WDPCP: variants seen among roughly 807,000 people sequenced by gnomAD.
WDPCP encodes the protein WD repeat containing planar cell polarity effector.
A neutral mutation model predicts 93.1 loss-of-function variants in WDPCP; 71 were observed. The ratio of observed to expected loss-of-function variants is 0.76; its 90% CI spans 0.63 to 0.93. The LOEUF (loss-of-function observed/expected upper bound fraction) is 0.93, where lower values mean the gene tolerates loss of function less well. Among genes scored for constraint, WDPCP ranks in the 40% least tolerant of loss-of-function variants. The probability of loss-of-function intolerance (pLI) is 0.00; values close to 1 mark genes in which losing one functional copy is unlikely to be tolerated. For missense variants in WDPCP, 844 were observed against 887.4 expected, an observed-to-expected ratio of 0.95 and a Z score of 0.62; for synonymous variants, 315 against 315.0, an observed-to-expected ratio of 1.00 and a Z score of 0.00.
intron 1 of WDPCP, among the ~76,000 whole-genome samples, chr2:63,572,006 C>T (rs1259423726): frequency 3.9e-5 from 6 of 152,136 alleles, no homozygotes; most frequent in Non-Finnish European, 8.8e-5. Context: ...CTCCAGTAAA[C>T]TTTAACAGAA....
chr2:63,775,119 G>A (rs557920256), intron 2 of WDPCP, among the ~76,000 whole-genome samples: 1 of 152,190 alleles, frequency 6.6e-6, no homozygotes, highest in Non-Finnish European at 1.5e-5. Flanking sequence ...GCATAATCTT[G>A]GGCTCAACGT....
chr2:63,769,899 A>C (rs1485092416), intron 2 of WDPCP, among the ~76,000 whole-genome samples: 1 of 151,914 alleles, frequency 6.6e-6, no homozygotes, highest in Non-Finnish European at 1.5e-5. Flanking sequence ...TTTTTCTCTA[A>C]GTTCAGAGTC....
At chr2:63,637,701 A>G (rs903783651) in intron 3 of WDPCP, among the ~76,000 whole-genome samples, 16 of 152,206 alleles carry the variant, frequency 1.1e-4, no homozygotes, top group Non-Finnish European at 1.6e-4. Context: ...ATCACTAACC[A>G]TCAGGGAAAT....
intron 12 of WDPCP, among the ~76,000 whole-genome samples, chr2:63,338,759 C>G (rs1348041028): frequency 6.6e-6 from 1 of 151,276 alleles, no homozygotes; most frequent in African/African-American, 2.4e-5. Flanking sequence ...TATACCAGTG[C>G]TATGCTGTTT....
At chr2:63,153,134 A>G in intron 16 of WDPCP, 189 bp from the exon 17 acceptor site, 2 of 608,350 alleles carry the variant, frequency 3.3e-6, no homozygotes, top group East Asian at 5.6e-5. Flanking sequence ...ATATATGTGT[A>G]TGGCTACCTT....
chr2:63,679,376 C>T (rs145624552), intron 2 of WDPCP, among the ~76,000 whole-genome samples: 3 of 152,154 alleles, frequency 2.0e-5, no homozygotes, highest in Non-Finnish European at 2.9e-5. Flanking sequence ...ACATGACACA[C>T]GGAGCTGTCA....
chr2:63,499,375 C>T (rs1022011570), intron 1 of WDPCP, among the ~76,000 whole-genome samples: 1 of 152,130 alleles, frequency 6.6e-6, no homozygotes, highest in Non-Finnish European at 1.5e-5. Context: ...AAGTCTTTGC[C>T]AAGCTCAGGA....
intron 3 of WDPCP, among the ~76,000 whole-genome samples, chr2:63,613,432 C>A (rs1016441519): frequency 6.6e-6 from 1 of 152,194 alleles, no homozygotes; most frequent in African/African-American, 2.4e-5. Flanking sequence ...GGCAAGGAGC[C>A]TGGGGCTTTT....
chr2:63,821,269 G>C (rs749415189), intron 1 of WDPCP, among the ~76,000 whole-genome samples: 5 of 152,154 alleles, frequency 3.3e-5, no homozygotes, highest in African/African-American at 7.2e-5. Context: ...TCATTAAGAA[G>C]GTGAACTCTG....
intron 12 of WDPCP, among the ~76,000 whole-genome samples, chr2:63,313,612 C>T (rs1279126570): frequency 6.6e-6 from 1 of 151,920 alleles, no homozygotes; most frequent in Non-Finnish European, 1.5e-5. Flanking sequence ...TTGTTAGTAC[C>T]TCCTATATTT....
intron 3 of WDPCP, chr2:63,600,099 C>A (rs1028752666): frequency 9.6e-5 from 14 of 145,756 alleles, no homozygotes; most frequent in Admixed American, 2.1e-4. Flanking sequence ...GAGAAGATAA[C>A]TTTAGTTTCA....
intron 5 of WDPCP, 38 bp from the exon 6 acceptor site, chr2:63,484,701 G>A: frequency 6.2e-7 from 1 of 1,611,334 alleles, no homozygotes; most frequent in Non-Finnish European, 8.5e-7. Context: ...GTAGTTGGCT[G>A]TACACATTGT....
At chr2:63,207,741 G>A (rs1574875440) in intron 14 of WDPCP, among the ~76,000 whole-genome samples, 1 of 152,106 alleles carries the variant, frequency 6.6e-6, no homozygotes, top group East Asian at 1.9e-4. Flanking sequence ...AGGTCATGAT[G>A]TGCTCTTTCA....
intron 2 of WDPCP, among the ~76,000 whole-genome samples, chr2:63,720,760 A>G (rs1177088315): frequency 1.3e-5 from 2 of 152,222 alleles, no homozygotes; most frequent in African/African-American, 4.8e-5. Context: ...TAGGGATGGC[A>G]GTCACTCCCA....
chr2:63,453,458 G>T (rs1420843448), intron 6 of WDPCP, among the ~76,000 whole-genome samples: 7 of 152,174 alleles, frequency 4.6e-5, no homozygotes, highest in Admixed American at 4.6e-4. Context: ...GTGCTGGAGA[G>T]GATGTGGAGA....
chr2:63,390,230 G>T (rs905338274), intron 10 of WDPCP, among the ~76,000 whole-genome samples: 18 of 152,096 alleles, frequency 1.2e-4, no homozygotes, highest in African/African-American at 4.3e-4. Flanking sequence ...TTAGAACTCA[G>T]GATTAAGAAA....
rs771297329 is a variant in WDPCP, at chr2:63,484,677, G to A, written c.325-14C>T. 30 of 1,612,732 alleles carry A rather than the reference G, an allele frequency of 1.9e-5. No homozygotes were observed. Among genetic ancestry groups the A allele is most frequent in the Non-Finnish European group, 2.5e-5 (30 of 1,179,174 alleles). On this transcript the variant is annotated splice_polypyrimidine_tract_variant and intron_variant, in intron 5 of 17. Transcript: ENST00000272321. ...TTGCATCAGCTCCTGAAGCACAACA[G>A]AAAAAGAGAGAGCGTAGTTGGCTGT...
intron 14 of WDPCP, among the ~76,000 whole-genome samples, chr2:63,215,011 A>G (rs1221505744): frequency 1.3e-5 from 2 of 152,178 alleles, no homozygotes; most frequent in African/African-American, 2.4e-5. Flanking sequence ...ATGCTCACGG[A>G]TAGGAAGAAT....
At chr2:63,501,690 CACTGCAACTTCCACCTCCCGG>C (rs1238708286) in intron 1 of WDPCP, among the ~76,000 whole-genome samples, 1 of 96,098 alleles carries the variant, frequency 1.0e-5, no homozygotes, top group Non-Finnish European at 2.4e-5. Flanking sequence ...GATCTCAGCT[CACTGCAACTTCCACCTCCCGG>C]ATTCAGGCAA....
Sources: gnomAD v4.1 joint callset for allele counts (sites outside exome capture counted in the v4.1 genomes callset) on GRCh38, gnomAD v4.1.1 for gene constraint, MANE v1.5 for transcripts, NCBI Gene and HGNC (gene_info 2026-07-23, HGNC 2026-07-21) for gene names.